TMEM266: variants seen among roughly 807,000 people sequenced by gnomAD.
TMEM266 encodes the protein transmembrane protein 266.
In TMEM266, 33 loss-of-function variants were observed where a neutral mutation model predicts 50.5. The ratio of observed to expected loss-of-function variants is 0.65; its 90% CI spans 0.50 to 0.87. TMEM266 has a LOEUF of 0.87. Among genes scored for constraint, TMEM266 ranks in the 40% least tolerant of loss-of-function variants. TMEM266 has a pLI of 0.00. For synonymous variants in TMEM266, 310 were observed against 292.3 expected, an observed-to-expected ratio of 1.06 and a Z score of -0.62; for missense variants, 655 against 695.1, an observed-to-expected ratio of 0.94 and a Z score of 0.65.
At chr15:76,175,259 C>T (rs2038255383) in intron 7 of TMEM266, 1 of 283,280 alleles carries the variant, frequency 3.5e-6, no homozygotes, top group Non-Finnish European at 6.8e-6. Flanking sequence ...CTTGTGGCCA[C>T]CCATAGCTGC....
chr15:76,164,222 T>A (rs1386390321), intron 5 of TMEM266, among the ~76,000 whole-genome samples: 1 of 152,212 alleles, frequency 6.6e-6, no homozygotes, highest in Non-Finnish European at 1.5e-5. Flanking sequence ...TTTTTTCTTT[T>A]CGAGACAGGG....
chr15:76,102,913 T>C (rs886112198), intron 1 of TMEM266, among the ~76,000 whole-genome samples: 2 of 149,488 alleles, frequency 1.3e-5, no homozygotes, highest in Non-Finnish European at 3.0e-5. Context: ...TGGGAGAAGC[T>C]GGCGAGGCAG....
chr15:76,087,657 CAA>C (rs934258006), intron 1 of TMEM266, among the ~76,000 whole-genome samples: 2 of 152,014 alleles, frequency 1.3e-5, no homozygotes, highest in African/African-American at 4.8e-5. Flanking sequence ...TAAGCAGAGA[CAA>C]GAGCTAAAAA....
chr15:76,090,162 G>A (rs2036829430), intron 1 of TMEM266, among the ~76,000 whole-genome samples: 2 of 152,146 alleles, frequency 1.3e-5, no homozygotes, highest in African/African-American at 4.8e-5. Context: ...CCGTCAGTGG[G>A]TAGAGATGGG....
At chr15:76,120,951 A>G (rs2037334599) in intron 1 of TMEM266, among the ~76,000 whole-genome samples, 1 of 152,130 alleles carries the variant, frequency 6.6e-6, no homozygotes, top group Non-Finnish European at 1.5e-5. Context: ...AGCTGTATAT[A>G]TGCATGTGTG....
intron 1 of TMEM266, chr15:76,112,118 TG>T (rs2037179418): frequency 6.6e-6 from 1 of 152,208 alleles, no homozygotes; most frequent in South Asian, 2.1e-4. Context: ...GGTCAGTGAT[TG>T]CCAGGTATTC....
chr15:76,092,804 C>G (rs898058947), intron 1 of TMEM266, among the ~76,000 whole-genome samples: 2 of 118,644 alleles, frequency 1.7e-5, no homozygotes, highest in African/African-American at 6.9e-5. Context: ...GAGTTAGGTG[C>G]TTTTTTTTTT....
Position 76,157,766 on chromosome 15 carries a change from C to T in TMEM266, c.382+1008C>T, listed in dbSNP as rs560194609. On this transcript the variant is annotated intron_variant, in intron 4 of 10. Transcript: ENST00000388942. The stretch of plus-strand genomic sequence containing the variant: ...TTTGGGGAGGCCAAGGTGGGAGGAT[C>T]GCTTGAGCCCTGGAGTTTGAGACCA... Among the ~76,000 whole-genome samples the T allele has an allele frequency of 3.3e-5, 5 of 152,240 alleles. No homozygotes were observed. In the East Asian group the frequency reaches 9.7e-4, roughly 29 times the overall value.
chr15:76,065,559 C>T (rs1206244493), intron 1 of TMEM266, among the ~76,000 whole-genome samples: 1 of 152,164 alleles, frequency 6.6e-6, no homozygotes, highest in Non-Finnish European at 1.5e-5. Flanking sequence ...AGTGTGGGCT[C>T]TGCCTGTGAT....
intron 1 of TMEM266, among the ~76,000 whole-genome samples, chr15:76,126,533 A>G (rs1185089534): frequency 6.7e-6 from 1 of 148,848 alleles, no homozygotes; most frequent in Non-Finnish European, 1.5e-5. Context: ...TTATAGTTAG[A>G]ATTTTTTTTT....
At chr15:76,092,042 C>G (rs1315210548) in intron 1 of TMEM266, among the ~76,000 whole-genome samples, 1 of 151,656 alleles carries the variant, frequency 6.6e-6, no homozygotes, top group Non-Finnish European at 1.5e-5. Flanking sequence ...AGTCATGGAT[C>G]AAATATGAAG....
intron 1 of TMEM266, among the ~76,000 whole-genome samples, chr15:76,063,980 T>C (rs1487402376): frequency 6.6e-6 from 1 of 152,154 alleles, no homozygotes; most frequent in East Asian, 1.9e-4. Context: ...AAAAGTCACC[T>C]GAGGGTTGGG....
At chr15:76,151,799 A>C (rs899323964) in intron 3 of TMEM266, among the ~76,000 whole-genome samples, 4 of 152,184 alleles carry the variant, frequency 2.6e-5, no homozygotes, top group African/African-American at 9.7e-5. Context: ...TTCAGCAAGC[A>C]CGGGGAAGGG....
In TMEM266 at chr15:76,160,215, TGTCCTGGGGAAACCAAG is replaced by T; in HGVS notation, c.456+51_456+67del. 5.8e-6 allele frequency: 9 copies of T among 1,555,946 alleles called. No individual in the cohort carries two copies. The highest frequency in any genetic ancestry group is 8.0e-6 in the Non-Finnish European group (9 of 1,128,926). ...GTCACCTCCTCTGTTGGGTGACTCC[TGTCCTGGGGAAACCAAG>T]GTCTACTTCTCGAAATGGTTTCTAG... On this transcript the variant is annotated intron_variant, in intron 5 of 10. Transcript: ENST00000388942. This position sits in a 1 kb window ranked among gnomAD's most constrained non-coding sequence, Gnocchi z 5.7.
intron 1 of TMEM266, among the ~76,000 whole-genome samples, chr15:76,088,970 T>A (rs1214881266): frequency 6.6e-6 from 1 of 151,384 alleles, no homozygotes; most frequent in African/African-American, 2.4e-5. Context: ...GGCACATGCC[T>A]GTTACTCCAG....
At chr15:76,081,766 CA>C (rs1337289952) in intron 1 of TMEM266, among the ~76,000 whole-genome samples, 2 of 152,180 alleles carry the variant, frequency 1.3e-5, no homozygotes, top group East Asian at 3.8e-4. Flanking sequence ...GTTACATGGT[CA>C]CCACACTGCA....
At chr15:76,142,646 G>T (rs556960925) in intron 3 of TMEM266, among the ~76,000 whole-genome samples, 26 of 152,280 alleles carry the variant, frequency 1.7e-4, no homozygotes, top group African/African-American at 6.0e-4. Context: ...GAGGTGGTTT[G>T]GTGTGCTTTA....
In TMEM266 at chr15:76,175,581, G is replaced by A; in HGVS notation, c.675G>A (p.Leu225=). Reference sequence around the variant, plus strand: ...CAGCCTACGTCCTGCCAGTGAAGCTGGAGATGGAGATGGTTATCCAGCAGT... The same window carrying A: ...CAGCCTACGTCCTGCCAGTGAAGCTAGAGATGGAGATGGTTATCCAGCAGT... Residue 225 remains leucine, a synonymous_variant, in exon 8 of 11, where the codon CTG becomes CTA. Transcript: ENST00000388942. 1 of 1,614,130 alleles carries A rather than the reference G, an allele frequency of 6.2e-7. No homozygotes were observed. Among genetic ancestry groups the A allele is most frequent in the Non-Finnish European group, 8.5e-7 (1 of 1,179,984 alleles).
intron 1 of TMEM266, among the ~76,000 whole-genome samples, chr15:76,126,365 ACC>A (rs2037422867): frequency 1.6e-5 from 2 of 125,672 alleles, no homozygotes. Flanking sequence ...ACACACACAC[ACC>A]CACAGACATA....
Sources: gnomAD v4.1 joint callset for allele counts (sites outside exome capture counted in the v4.1 genomes callset) on GRCh38, gnomAD v4.1.1 for gene constraint, Gnocchi (gnomAD v3.1) non-coding constraint, MANE v1.5 for transcripts, NCBI Gene and HGNC (gene_info 2026-07-23, HGNC 2026-07-21) for gene names.